Variants in NOX3 observed in about 807,000 individuals in gnomAD.
NOX3 encodes the protein NADPH oxidase 3.
In NOX3, 74 loss-of-function variants were observed where a neutral mutation model predicts 76.7. That is an observed-to-expected ratio of 0.96 (90% CI 0.80 to 1.17). NOX3 has a LOEUF of 1.17. Ranked by LOEUF, NOX3 falls within the 50% of genes most tolerant of loss-of-function variation. The pLI, the probability that NOX3 is intolerant of heterozygous loss-of-function variation, is 0.00. For synonymous variants in NOX3, 263 were observed against 261.1 expected, an observed-to-expected ratio of 1.01 and a Z score of -0.07; for missense variants, 695 against 703.3, an observed-to-expected ratio of 0.99 and a Z score of 0.13.
intron 11 of NOX3, 84 bp from the exon 12 acceptor site, chr6:155,407,338 T>C (rs1776478235): frequency 1.5e-6 from 2 of 1,300,982 alleles, no homozygotes; most frequent in Admixed American, 2.3e-5. Flanking sequence ...ATCATGTTCA[T>C]TTGTAGATTT....
intron 12 of NOX3, among the ~76,000 whole-genome samples, chr6:155,404,475 G>A (rs79943894): frequency 0.011 from 1,634 of 152,246 alleles, 24 homozygotes; most frequent in African/African-American, 0.036. Context: ...GCAAAATGGA[G>A]CAAGGAGGTG....
chr6:155,432,094 A>C (rs1399913408), intron 7 of NOX3, among the ~76,000 whole-genome samples: 1 of 152,108 alleles, frequency 6.6e-6, no homozygotes, highest in East Asian at 1.9e-4. Flanking sequence ...ACAAATAATA[A>C]TTGTATATAT....
chr6:155,431,828 C>T (rs955986932), intron 7 of NOX3, among the ~76,000 whole-genome samples: 2 of 152,154 alleles, frequency 1.3e-5, no homozygotes, highest in Admixed American at 6.5e-5. Context: ...CATAAAGGGA[C>T]GAAGGTGTTT....
intron 10 of NOX3, among the ~76,000 whole-genome samples, chr6:155,422,068 G>A (rs993980426): frequency 6.6e-6 from 1 of 152,172 alleles, no homozygotes; most frequent in African/African-American, 2.4e-5. Flanking sequence ...GCATTCATAC[G>A]GCTTTGGGTT....
intron 5 of NOX3, among the ~76,000 whole-genome samples, chr6:155,442,576 G>C (rs1045644267): frequency 6.6e-6 from 1 of 152,206 alleles, no homozygotes; most frequent in Admixed American, 6.5e-5. Context: ...ATGGTGGTAT[G>C]TGGAAAAAAA....
At chr6:155,449,826 A>G (rs148343776) in intron 4 of NOX3, among the ~76,000 whole-genome samples, 42 of 152,350 alleles carry the variant, frequency 2.8e-4, no homozygotes, top group African/African-American at 9.9e-4. Context: ...GAAATGCAGC[A>G]TAATGGGCGA....
intron 4 of NOX3, among the ~76,000 whole-genome samples, chr6:155,447,191 C>T (rs558355315): frequency 1.1e-4 from 16 of 151,992 alleles, no homozygotes; most frequent in South Asian, 4.2e-4. Context: ...ATTACAGGCA[C>T]ACGCCACCAT....
At position 155,453,313 on chromosome 6, in the gene NOX3, G is replaced by A. The variant is rs1007814600; in HGVS notation, c.340+91C>T. 1.2e-4 allele frequency: 119 copies of A among 972,062 alleles called. 1 individual carries two copies. The highest frequency in any genetic ancestry group is 1.8e-4 in the Non-Finnish European group (107 of 599,390). The allele number at this position is 972,062 out of a possible 1,614,324, so 60.2% of individuals were successfully genotyped here. A position where few individuals can be genotyped will look rare whatever the true frequency, so the allele number is the denominator to read the frequency against. ...AGGGCAAAGTTTTCTTTTACCTGAG[G>A]GTGAGACTTGGGGAAGGCAGAGTTA... On this transcript the variant is annotated intron_variant, in intron 4 of 13. Coordinates refer to ENST00000159060, the MANE Select transcript of NOX3 (RefSeq NM_015718.3).
intron 11 of NOX3, among the ~76,000 whole-genome samples, chr6:155,409,843 T>C (rs1473013200): frequency 6.6e-6 from 1 of 152,204 alleles, no homozygotes; most frequent in East Asian, 1.9e-4. Context: ...TAGCATATTC[T>C]TGGAAGTAGT....
At chr6:155,425,240 A>G (rs1028995289) in intron 9 of NOX3, among the ~76,000 whole-genome samples, 1 of 152,194 alleles carries the variant, frequency 6.6e-6, no homozygotes, top group Non-Finnish European at 1.5e-5. Flanking sequence ...GAACATAGCT[A>G]TCATGACATC....
intron 9 of NOX3, among the ~76,000 whole-genome samples, chr6:155,427,026 T>C (rs113272447): frequency 7.8e-5 from 10 of 127,560 alleles, no homozygotes; most frequent in African/African-American, 3.0e-4. Flanking sequence ...TGTGTGTGTG[T>C]GTGCTGGGGG....
At chr6:155,440,255 G>T (rs1582944450) in intron 5 of NOX3, 118 bp from the exon 6 acceptor site, 1 of 771,302 alleles carries the variant, frequency 1.3e-6, no homozygotes, top group Non-Finnish European at 2.0e-6. Context: ...TTTCAAGCAG[G>T]GAGCCGTTCA....
chr6:155,396,766 AAG>A (rs1453685510), intron 13 of NOX3, 41 bp downstream of exon 13: 18 of 1,510,952 alleles, frequency 1.2e-5, no homozygotes, highest in Non-Finnish European at 1.6e-5. Context: ...CCCTTATGGG[AAG>A]AGTTTCCCAA....
chr6:155,437,340 T>G (rs1776919369), intron 6 of NOX3, among the ~76,000 whole-genome samples: 1 of 152,134 alleles, frequency 6.6e-6, no homozygotes, highest in Non-Finnish European at 1.5e-5. Context: ...GTGAATGAAA[T>G]GCATTGATCT....
chr6:155,423,464 C>G (rs1776716519), intron 9 of NOX3, among the ~76,000 whole-genome samples: 2 of 152,068 alleles, frequency 1.3e-5, no homozygotes, highest in African/African-American at 4.8e-5. Context: ...GGTAATTAGG[C>G]CTTGGGTAGC....
intron 4 of NOX3, among the ~76,000 whole-genome samples, chr6:155,445,969 A>ATATATATGCTATATATATATATATAT (rs1380551108): frequency 7.2e-5 from 7 of 96,662 alleles, no homozygotes; most frequent in South Asian, 4.0e-4. Flanking sequence ...ATATATATAT[A>ATATATATGCTATATATATATATATAT]ATATATATAT....
intron 5 of NOX3, 140 bp downstream of exon 5, chr6:155,443,133 G>T: frequency 1.0e-6 from 1 of 970,088 alleles, no homozygotes; most frequent in Non-Finnish European, 1.4e-6. Flanking sequence ...TTTAGAAAAT[G>T]TGAAATTGAA....
At chr6:155,452,033 G>A (rs6929726) in intron 4 of NOX3, among the ~76,000 whole-genome samples, 18,364 of 151,988 alleles carry the variant, frequency 0.12, 1,178 homozygotes, top group Admixed American at 0.19. Context: ...CTATTGTATT[G>A]TGATAATATT....
intron 9 of NOX3, among the ~76,000 whole-genome samples, chr6:155,428,180 C>T (rs1376156456): frequency 6.6e-6 from 1 of 152,246 alleles, no homozygotes; most frequent in East Asian, 1.9e-4. Context: ...GGATAACAGG[C>T]GTGAGCCCAG....
Sources: gnomAD v4.1 joint callset for allele counts (sites outside exome capture counted in the v4.1 genomes callset) on GRCh38, gnomAD v4.1.1 for gene constraint, MANE v1.5 for transcripts, NCBI Gene and HGNC (gene_info 2026-07-23, HGNC 2026-07-21) for gene names.